Variants in PCDHGB5 observed in about 807,000 individuals in gnomAD.
PCDHGB5 encodes the protein protocadherin gamma subfamily B, 5, also known as protocadherin gamma-B5.
A neutral mutation model predicts 62.9 loss-of-function variants in PCDHGB5; 48 were observed. The observed-to-expected ratio is 0.76, with a 90% CI of 0.61 to 0.97. The LOEUF (loss-of-function observed/expected upper bound fraction) is 0.97. Ranked by LOEUF, PCDHGB5 falls within the 50% of genes least tolerant of loss-of-function variation. PCDHGB5 has a pLI of 0.00. For missense variants in PCDHGB5, 1,118 were observed against 1,198.6 expected (o/e 0.93, Z 0.99); for synonymous variants, 474 against 511.2 (o/e 0.93, Z 0.98).
intron 1 of PCDHGB5, chr5:141,478,730 G>A: frequency 6.5e-7 from 1 of 1,538,906 alleles, no homozygotes; most frequent in South Asian, 1.2e-5. Flanking sequence ...GCCAGAGTGT[G>A]GTTTGTGGTC....
intron 1 of PCDHGB5, among the ~76,000 whole-genome samples, chr5:141,459,532 TA>T (rs1031834752): frequency 6.6e-5 from 10 of 152,354 alleles, no homozygotes; most frequent in East Asian, 3.9e-4. Context: ...TTTGTAGGCA[TA>T]TTTTTTTTAT....
At chr5:141,426,946 C>T (rs565370434) in intron 1 of PCDHGB5, 5 of 456,668 alleles carry the variant, frequency 1.1e-5, no homozygotes, top group Non-Finnish European at 2.2e-5. Context: ...CCAGTCCCAA[C>T]TGGCACTGCT....
chr5:141,492,072 C>G (rs2099736816), intron 1 of PCDHGB5: 2 of 480,040 alleles, frequency 4.2e-6, no homozygotes, highest in East Asian at 3.3e-5. Context: ...TCCTAGGCGC[C>G]GGCTCCGGCA....
At chr5:141,410,469 T>C in intron 1 of PCDHGB5, 1 of 1,614,026 alleles carries the variant, frequency 6.2e-7, no homozygotes, top group Non-Finnish European at 8.5e-7. Context: ...AATCTGTGCA[T>C]TGCACATACG....
intron 1 of PCDHGB5, among the ~76,000 whole-genome samples, chr5:141,456,824 G>C (rs2098890304): frequency 6.6e-6 from 1 of 152,052 alleles, no homozygotes; most frequent in African/African-American, 2.4e-5. Flanking sequence ...ATTAGCCATC[G>C]TGGTAGTGGG....
intron 1 of PCDHGB5, among the ~76,000 whole-genome samples, chr5:141,406,795 C>G (rs1277584347): frequency 6.6e-6 from 1 of 152,204 alleles, no homozygotes; most frequent in African/African-American, 2.4e-5. Context: ...TTATTTCTGG[C>G]TCAATTCTCC....
At chr5:141,450,292 C>T (rs1310226132) in intron 1 of PCDHGB5, among the ~76,000 whole-genome samples, 2 of 152,066 alleles carry the variant, frequency 1.3e-5, no homozygotes, top group African/African-American at 2.4e-5. Context: ...GGATTACAGG[C>T]GTGAGCCACC....
chr5:141,488,939 T>C (rs1229571704), intron 1 of PCDHGB5, among the ~76,000 whole-genome samples: 1 of 152,114 alleles, frequency 6.6e-6, no homozygotes, highest in Non-Finnish European at 1.5e-5. Context: ...GGAAACTCCA[T>C]AATTGGTTGA....
intron 1 of PCDHGB5, chr5:141,418,009 C>G (rs780624400): frequency 6.2e-7 from 1 of 1,613,776 alleles, no homozygotes; most frequent in African/African-American, 1.3e-5. Context: ...TGGGGAACCT[C>G]GCTAAGGATC....
chr5:141,460,270 C>G (rs1223096441), intron 1 of PCDHGB5, among the ~76,000 whole-genome samples: 1 of 151,828 alleles, frequency 6.6e-6, no homozygotes, highest in Non-Finnish European at 1.5e-5. Context: ...TTTATTTTTT[C>G]TTTTATAGTT....
chr5:141,423,299 C>T (rs1225422770), intron 1 of PCDHGB5: 2 of 1,614,128 alleles, frequency 1.2e-6, no homozygotes, highest in Non-Finnish European at 1.7e-6. Context: ...TCAGACCTCT[C>T]GCTGTACTTG....
chr5:141,456,140 G>A (rs1032104368), intron 1 of PCDHGB5, among the ~76,000 whole-genome samples: 38 of 152,022 alleles, frequency 2.5e-4, no homozygotes, highest in African/African-American at 8.7e-4. Flanking sequence ...CTCCTGATCC[G>A]CCCGCCTCGG....
rs763582836 is a variant in PCDHGB5 at position 141,404,442 on chromosome 5, A to G, written c.2397+3918A>G. Reference sequence around the variant, plus strand: ...TACTCCTTGGCAGAGGATACCATCCAAGGGTCTCCTCTCTCCACCTATGTC... The same window carrying G: ...TACTCCTTGGCAGAGGATACCATCCGAGGGTCTCCTCTCTCCACCTATGTC... On this transcript the variant is annotated intron_variant, in intron 1 of 3. Transcript: ENST00000617380. 21 of 1,610,906 alleles carry G rather than the reference A, an allele frequency of 1.3e-5. No homozygotes were observed. In the Admixed American group the frequency reaches 3.5e-4, roughly 27 times the overall value.
chr5:141,417,236 A>T (rs1387216221), intron 1 of PCDHGB5: 2 of 152,220 alleles, frequency 1.3e-5, no homozygotes, highest in Admixed American at 1.3e-4. Flanking sequence ...TTTGTTGCTT[A>T]TCTTCAGTAC....
intron 1 of PCDHGB5, chr5:141,423,126 G>T (rs1397550571): frequency 6.2e-7 from 1 of 1,613,622 alleles, no homozygotes; most frequent in Non-Finnish European, 8.5e-7. Context: ...CGCGGGCACT[G>T]CTGGACAGAG....
chr5:141,410,909 A>G lies in PCDHGB5; in HGVS notation c.2397+10385A>G, dbSNP rs183334545. Reference sequence around the variant, plus strand: ...CGCACTGTTGCCTAGGCTGGAGTGCAGTGGCGTGATCTCTGCTCACTGCAA... The same window carrying G: ...CGCACTGTTGCCTAGGCTGGAGTGCGGTGGCGTGATCTCTGCTCACTGCAA... On this transcript the variant is annotated intron_variant, in intron 1 of 3. Coordinates refer to ENST00000617380, the MANE Select transcript of PCDHGB5 (RefSeq NM_018925.3). 188 of 259,978 alleles carry G rather than the reference A, an allele frequency of 7.2e-4. 1 individual carries two copies. Among genetic ancestry groups the G allele is most frequent in the African/African-American group, 5.3e-3 (172 of 32,394 alleles). The allele number at this position is 259,978 out of a possible 1,614,324, so 16.1% of individuals were successfully genotyped here.
intron 1 of PCDHGB5, among the ~76,000 whole-genome samples, chr5:141,475,620 G>A (rs2154572702): frequency 6.6e-6 from 1 of 152,238 alleles, no homozygotes; most frequent in Admixed American, 6.5e-5. Flanking sequence ...TTTTCGGTTT[G>A]GTTCGATCCC....
intron 1 of PCDHGB5, chr5:141,478,790 C>T: frequency 6.8e-7 from 1 of 1,472,906 alleles, no homozygotes. Flanking sequence ...AATTCACATC[C>T]TCAGCACTCT....
At chr5:141,455,128 T>C (rs2098813900) in intron 1 of PCDHGB5, among the ~76,000 whole-genome samples, 2 of 151,962 alleles carry the variant, frequency 1.3e-5, no homozygotes, top group Admixed American at 6.6e-5. Context: ...ATGTTTTAAA[T>C]TACACTGTGT....
Sources: gnomAD v4.1 joint callset for allele counts (sites outside exome capture counted in the v4.1 genomes callset) on GRCh38, gnomAD v4.1.1 for gene constraint, MANE v1.5 for transcripts, NCBI Gene and HGNC (gene_info 2026-07-23, HGNC 2026-07-21) for gene names.